MNAT1: variants seen among roughly 807,000 people sequenced by gnomAD.
MNAT1 encodes CDK-activating kinase assembly factor MAT1.
MNAT1 carries 43 observed loss-of-function variants against 42.0 expected under a neutral mutation model. The observed-to-expected ratio is 1.02, with a 90% CI of 0.80 to 1.32. MNAT1 has a LOEUF of 1.32. Among genes scored for constraint, MNAT1 ranks in the 40% most tolerant of loss-of-function variants. The pLI is 0.00. For synonymous variants in MNAT1, 118 were observed against 120.0 expected, an observed-to-expected ratio of 0.98 and a Z score of 0.11; for missense variants, 306 against 350.4, an observed-to-expected ratio of 0.87 and a Z score of 1.01.
chr14:60,869,304 G>GCC (rs2034278489), intron 6 of MNAT1, among the ~76,000 whole-genome samples: 1 of 151,496 alleles, frequency 6.6e-6, no homozygotes, highest in Non-Finnish European at 1.5e-5. Flanking sequence ...GCCTCCCAAA[G>GCC]TGCTAGGATT....
intron 1 of MNAT1, among the ~76,000 whole-genome samples, chr14:60,763,739 T>C (rs1013339652): frequency 3.9e-5 from 6 of 152,186 alleles, no homozygotes; most frequent in African/African-American, 1.4e-4. Context: ...GGAACTACAA[T>C]GACCAGGAAG....
At chr14:60,754,333 A>C (rs1024662732) in intron 1 of MNAT1, among the ~76,000 whole-genome samples, 25 of 151,462 alleles carry the variant, frequency 1.7e-4, no homozygotes, top group Non-Finnish European at 3.1e-4. Flanking sequence ...AATAGGGAGA[A>C]ATTTCTTCTT....
At chr14:60,909,913 G>T (rs1289091827) in intron 7 of MNAT1, among the ~76,000 whole-genome samples, 3 of 151,932 alleles carry the variant, frequency 2.0e-5, no homozygotes, top group Admixed American at 1.3e-4. Flanking sequence ...ATTACCTTGG[G>T]CAGTATGGCC....
At chr14:60,915,366 C>T (rs2035489656) in intron 7 of MNAT1, among the ~76,000 whole-genome samples, 1 of 152,104 alleles carries the variant, frequency 6.6e-6, no homozygotes, top group South Asian at 2.1e-4. Flanking sequence ...AGTCATCTTC[C>T]CTATATTCAT....
At chr14:60,846,554 A>G (rs2033688110) in intron 6 of MNAT1, among the ~76,000 whole-genome samples, 1 of 152,194 alleles carries the variant, frequency 6.6e-6, no homozygotes, top group Non-Finnish European at 1.5e-5. Flanking sequence ...ATTTAAAGCT[A>G]TAATACCTCT....
At chr14:60,870,156 C>T (rs1027059539) in intron 6 of MNAT1, among the ~76,000 whole-genome samples, 3 of 152,006 alleles carry the variant, frequency 2.0e-5, no homozygotes, top group Admixed American at 1.3e-4. Context: ...TGGAAATGAG[C>T]TGAATTTTAG....
chr14:60,900,966 TG>T (rs991319270), intron 7 of MNAT1, among the ~76,000 whole-genome samples: 42 of 121,144 alleles, frequency 3.5e-4, no homozygotes, highest in Non-Finnish European at 5.1e-4. Context: ...CCAGCCTGGG[TG>T]ACCCTGAGCT....
intron 6 of MNAT1, among the ~76,000 whole-genome samples, chr14:60,822,619 T>G (rs947669445): frequency 2.0e-5 from 3 of 151,052 alleles, no homozygotes; most frequent in Non-Finnish European, 3.0e-5. Context: ...TTTTTTTTTT[T>G]GGAGAGGAGG....
intron 5 of MNAT1, among the ~76,000 whole-genome samples, chr14:60,816,084 TTATAA>T (rs1308601852): frequency 6.6e-5 from 10 of 152,194 alleles, no homozygotes; most frequent in African/African-American, 2.4e-4. Flanking sequence ...AGCTTAATTC[TTATAA>T]TTAATCTCTG....
chr14:60,892,042 A>G (rs2034856942), intron 7 of MNAT1, among the ~76,000 whole-genome samples: 1 of 152,198 alleles, frequency 6.6e-6, no homozygotes, highest in African/African-American at 2.4e-5. Flanking sequence ...TTAAAAATTT[A>G]TTAACACTTA....
At chr14:60,823,000 G>A (rs1036108798) in intron 6 of MNAT1, among the ~76,000 whole-genome samples, 1 of 152,242 alleles carries the variant, frequency 6.6e-6, no homozygotes, top group African/African-American at 2.4e-5. Context: ...CAAGCCACCT[G>A]CCTGCCTTGG....
At chr14:60,855,908 T>C (rs1197201688) in intron 6 of MNAT1, among the ~76,000 whole-genome samples, 1 of 152,220 alleles carries the variant, frequency 6.6e-6, no homozygotes, top group Non-Finnish European at 1.5e-5. Flanking sequence ...TTGCGTGTGT[T>C]CTACTCCACC....
chr14:60,847,872 A>C (rs1415628262), intron 6 of MNAT1, among the ~76,000 whole-genome samples: 1 of 152,042 alleles, frequency 6.6e-6, no homozygotes, highest in Admixed American at 6.6e-5. Context: ...GGAGAGTGCC[A>C]TTGTCATATG....
chr14:60,969,559 ACAAGT>A lies in MNAT1; in HGVS notation c.*1211_*1215del, dbSNP rs1594921534. ...AATTGAGTAGACAAAGATCATATTC[ACAAGT>A]TAGTAAAAAGCCAGAATTAGAATGC... On this transcript the variant is annotated 3_prime_UTR_variant, in exon 8 of 8. Coordinates refer to ENST00000261245, the MANE Select transcript of MNAT1 (RefSeq NM_002431.4). The A allele has an allele frequency of 6.6e-6, 1 of 152,148 alleles. No individual in the cohort carries two copies. The highest frequency in any genetic ancestry group is 2.1e-4 in the South Asian group (1 of 4,826). The allele number at this position is 152,148 out of a possible 1,614,324, so 9.4% of individuals were successfully genotyped here. A position where few individuals can be genotyped will look rare whatever the true frequency, so the allele number is the denominator to read the frequency against.
intron 6 of MNAT1, among the ~76,000 whole-genome samples, chr14:60,822,083 C>T (rs2032905710): frequency 6.6e-6 from 1 of 151,856 alleles, no homozygotes; most frequent in Non-Finnish European, 1.5e-5. Context: ...TTAATTTTTA[C>T]CTGTGGTATG....
chr14:60,899,811 T>A (rs560816757), intron 7 of MNAT1, among the ~76,000 whole-genome samples: 1 of 152,326 alleles, frequency 6.6e-6, no homozygotes, highest in African/African-American at 2.4e-5. Context: ...ATATTGCAAG[T>A]ATATCAATGC....
chr14:60,904,189 T>G (rs1014224372), intron 7 of MNAT1, among the ~76,000 whole-genome samples: 1 of 152,176 alleles, frequency 6.6e-6, no homozygotes, highest in South Asian at 2.1e-4. Context: ...ATATGTTAGT[T>G]TTACAGAAAG....
chr14:60,916,005 C>T (rs987344315), intron 7 of MNAT1, among the ~76,000 whole-genome samples: 1 of 152,190 alleles, frequency 6.6e-6, no homozygotes, highest in South Asian at 2.1e-4. Flanking sequence ...ACTGAGTCAA[C>T]AGCAGGAGGG....
In MNAT1 at chr14:60,735,554, C is replaced by A. The variant is rs139511485; in HGVS notation, c.89+603C>A. ...CCAGACAGTGTTCTAAGCGCCTTAC[C>A]ATGAATTATCTCAGTTCATTCCTAC... On this transcript the variant is annotated intron_variant, in intron 1 of 7. Transcript: ENST00000261245. Among the ~76,000 whole-genome samples, 754 of 152,218 alleles carry A rather than the reference C, an allele frequency of 5.0e-3. 5 individuals are homozygous for A. The highest frequency in any genetic ancestry group is 0.017 in the African/African-American group (711 of 41,538).
Sources: gnomAD v4.1 joint callset for allele counts (sites outside exome capture counted in the v4.1 genomes callset) on GRCh38, gnomAD v4.1.1 for gene constraint, MANE v1.5 for transcripts, NCBI Gene and HGNC (gene_info 2026-07-23, HGNC 2026-07-21) for gene names.